Variants in NEIL3 observed in about 807,000 individuals in gnomAD.
NEIL3 encodes nei like DNA glycosylase 3.
In NEIL3, 48 loss-of-function variants were observed where a neutral mutation model predicts 57.5. The observed-to-expected ratio is 0.83, with a 90% CI of 0.66 to 1.06. The LOEUF (loss-of-function observed/expected upper bound fraction) is 1.06, where lower values mean the gene tolerates loss of function less well. NEIL3 is among the 50% of genes least tolerant of loss of function. The pLI, the probability that NEIL3 is intolerant of heterozygous loss-of-function variation, is 0.00. For missense variants in NEIL3, 717 were observed against 739.1 expected (o/e 0.97, Z 0.35); for synonymous variants, 261 against 253.2 (o/e 1.03, Z -0.29).
chr4:177,347,541 G>C (rs534233933), intron 6 of NEIL3, among the ~76,000 whole-genome samples: 321 of 152,286 alleles, frequency 2.1e-3, no homozygotes, highest in Non-Finnish European at 3.6e-3. Context: ...AAGTGACTTG[G>C]GTTTTCTGAG....
chr4:177,319,796 G>T (rs994210224), intron 1 of NEIL3, among the ~76,000 whole-genome samples: 1 of 152,150 alleles, frequency 6.6e-6, no homozygotes, highest in Non-Finnish European at 1.5e-5. Context: ...GTGTGTGTGT[G>T]TAAAATGGGA....
At chr4:177,359,090 G>A (rs1261342851) in intron 8 of NEIL3, among the ~76,000 whole-genome samples, 5 of 152,150 alleles carry the variant, frequency 3.3e-5, no homozygotes, top group African/African-American at 1.2e-4. Context: ...GAGGGGGTTG[G>A]TGAACTGAAA....
At position 177,362,389 on chromosome 4, in the gene NEIL3, G is replaced by A. The variant is rs143090105; in HGVS notation, c.1736G>A (p.Cys579Tyr). The A allele has an allele frequency of 1.2e-6, 2 of 1,613,240 alleles. No homozygotes were observed. Among genetic ancestry groups the A allele is most frequent in the African/African-American group, 2.7e-5 (2 of 74,838 alleles). ...AACAATGGAAAGAATTTTTTTGTGT[G>A]TCCTCTTGGGAAGGAAAAACAATGC... ...GPNNGKNFFV[C>Y]PLGKEKQCNF... The change falls in exon 10 of 10, where the codon TGT (cysteine) becomes TAT (tyrosine). Residue 579 changes from cysteine (C) to tyrosine (Y), a missense_variant. Physicochemically the swap from Cys to Tyr is radical, Grantham distance 194 (BLOSUM62 -2). Coordinates refer to ENST00000264596, the MANE Select transcript of NEIL3 (RefSeq NM_018248.3).
At chr4:177,327,305 C>T (rs555659622) in intron 2 of NEIL3, among the ~76,000 whole-genome samples, 1 of 152,288 alleles carries the variant, frequency 6.6e-6, no homozygotes, top group East Asian at 1.9e-4. Context: ...ACTTGCTAAA[C>T]TCGTTATAGT....
chr4:177,355,540 A>G (rs980920048), intron 8 of NEIL3, among the ~76,000 whole-genome samples: 7 of 152,040 alleles, frequency 4.6e-5, no homozygotes, highest in African/African-American at 1.4e-4. Flanking sequence ...TTTTCGATCC[A>G]AGGTTGGTTG....
At chr4:177,366,520 T>C (rs968372894), downstream of NEIL3, among the ~76,000 whole-genome samples, 1 of 152,292 alleles carries the variant, frequency 6.6e-6, no homozygotes, top group Non-Finnish European at 1.5e-5. Flanking sequence ...TGCCTCAGCC[T>C]CCTGAGTAGC....
intron 7 of NEIL3, among the ~76,000 whole-genome samples, chr4:177,353,075 A>C (rs1403299900): frequency 6.6e-6 from 1 of 152,110 alleles, no homozygotes; most frequent in Non-Finnish European, 1.5e-5. Context: ...TCTTTGTTAA[A>C]CCCATGTCTG....
At chr4:177,339,931 T>G in intron 5 of NEIL3, 74 bp downstream of exon 5, 1 of 969,462 alleles carries the variant, frequency 1.0e-6, no homozygotes, top group South Asian at 1.3e-5. Context: ...CCAAAAAATG[T>G]GAAAGCTGTA....
At chr4:177,365,843 A>G (rs1005759983), downstream of NEIL3, among the ~76,000 whole-genome samples, 62 of 152,310 alleles carry the variant, frequency 4.1e-4, no homozygotes, top group African/African-American at 1.4e-3. Flanking sequence ...CGATGATGTG[A>G]AGTGAGAAAT....
intron 1 of NEIL3, among the ~76,000 whole-genome samples, chr4:177,310,731 G>A (rs963534066): frequency 2.0e-5 from 3 of 152,176 alleles, no homozygotes; most frequent in African/African-American, 7.2e-5. Flanking sequence ...CATTGCAGAC[G>A]ATGTGGTATT....
chr4:177,328,823 A>G (rs947373033), intron 2 of NEIL3, among the ~76,000 whole-genome samples: 1 of 152,186 alleles, frequency 6.6e-6, no homozygotes, highest in African/African-American at 2.4e-5. Context: ...ATAACAATTT[A>G]TTGTGGACTT....
intron 6 of NEIL3, chr4:177,343,665 A>G (rs537092455): frequency 6.6e-6 from 1 of 151,800 alleles, no homozygotes; most frequent in Non-Finnish European, 1.5e-5. Flanking sequence ...TCTCTACAGC[A>G]CTCTATATCT....
At chr4:177,330,207 C>T (rs1734855891) in intron 2 of NEIL3, among the ~76,000 whole-genome samples, 1 of 152,180 alleles carries the variant, frequency 6.6e-6, no homozygotes, top group Non-Finnish European at 1.5e-5. Flanking sequence ...CCACTGCGCC[C>T]AGCTGAAAAA....
chr4:177,313,952 A>C lies in NEIL3; in HGVS notation c.156+3843A>C, dbSNP rs569229627. Among the ~76,000 whole-genome samples the C allele has an allele frequency of 3.9e-5, 6 of 152,304 alleles. No individual in the cohort carries two copies. The East Asian group carries it at 9.7e-4, about 25-fold the overall frequency. ...TTGTGCATGTTATATGGAAATTCCT[A>C]CTACCAGAATATAAACCAGGTAGTA... On this transcript the variant is annotated intron_variant, in intron 1 of 9. Coordinates refer to ENST00000264596, the MANE Select transcript of NEIL3 (RefSeq NM_018248.3).
downstream of NEIL3, among the ~76,000 whole-genome samples, chr4:177,366,778 T>C (rs1735698480): frequency 6.6e-6 from 1 of 152,192 alleles, no homozygotes; most frequent in Non-Finnish European, 1.5e-5. Flanking sequence ...TAGATTGTTA[T>C]TGAGATCCCC....
At chr4:177,345,753 G>A (rs1029008214) in intron 6 of NEIL3, among the ~76,000 whole-genome samples, 14 of 134,444 alleles carry the variant, frequency 1.0e-4, no homozygotes, top group Non-Finnish European at 1.5e-4. Flanking sequence ...GCAGTGGCAC[G>A]ATCTCAGCTC....
intron 2 of NEIL3, among the ~76,000 whole-genome samples, chr4:177,328,926 G>A (rs1015298657): frequency 6.6e-6 from 1 of 152,104 alleles, no homozygotes; most frequent in African/African-American, 2.4e-5. Flanking sequence ...TATACGTTTT[G>A]CATATCATTT....
rs758660043 is a variant in NEIL3 at position 177,336,215 on chromosome 4, G to T, written c.521G>T (p.Gly174Val). The change falls in exon 4 of 10, where the codon GGC (glycine) becomes GTC (valine). Residue 174 changes from glycine to valine, a missense_variant. Transcript: ENST00000264596. ...GAAAGTGAAGTTAAAAAACAGAAAGGCCGGATGCTAGGTGATGTGCTAATG... is the reference window on the plus strand; with the variant it reads ...GAAAGTGAAGTTAAAAAACAGAAAGTCCGGATGCTAGGTGATGTGCTAATG... Reference protein sequence around the residue: ...RAESEVKKQKGRMLGDVLMDQ... With the variant: ...RAESEVKKQKVRMLGDVLMDQ... 4 of 1,614,098 alleles carry T rather than the reference G, an allele frequency of 2.5e-6. No individual in the cohort carries two copies. The highest frequency in any genetic ancestry group is 3.4e-6 in the Non-Finnish European group (4 of 1,179,950).
intron 2 of NEIL3, among the ~76,000 whole-genome samples, chr4:177,322,946 A>G (rs1262828163): frequency 6.6e-6 from 1 of 152,120 alleles, no homozygotes; most frequent in Non-Finnish European, 1.5e-5. Context: ...GTTTGGTTTA[A>G]ATGTATCACT....
Sources: allele counts gnomAD v4.1 joint callset (sites outside exome capture counted in the v4.1 genomes callset), GRCh38; gene constraint gnomAD v4.1.1; transcripts MANE v1.5; gene names NCBI Gene and HGNC (gene_info 2026-07-23, HGNC 2026-07-21).